ERBB4: variants seen among roughly 807,000 people sequenced by gnomAD.
ERBB4 encodes erb-b2 receptor tyrosine kinase 4.
Under a neutral mutation model 158.0 loss-of-function variants are expected in ERBB4, and 42 were observed. The ratio of observed to expected loss-of-function variants is 0.27; its 90% CI spans 0.21 to 0.34. The LOEUF (loss-of-function observed/expected upper bound fraction) is 0.34, where lower values mean the gene tolerates loss of function less well. Ranked by LOEUF, ERBB4 falls within the 10% of genes least tolerant of loss-of-function variation. ERBB4 has a pLI of 1.00. For synonymous variants in ERBB4, 583 were observed against 558.7 expected, an observed-to-expected ratio of 1.04 and a Z score of -0.61; for missense variants, 1,333 against 1,624.1, an observed-to-expected ratio of 0.82 and a Z score of 3.08.
chr2:212,347,395 CAA>C (rs992811767), intron 1 of ERBB4, among the ~76,000 whole-genome samples: 1 of 151,112 alleles, frequency 6.6e-6, no homozygotes, highest in Non-Finnish European at 1.5e-5. Flanking sequence ...TTTGTAATTT[CAA>C]AAAAAAGGGC....
intron 1 of ERBB4, among the ~76,000 whole-genome samples, chr2:212,239,049 TTTC>T: frequency 6.6e-6 from 1 of 152,316 alleles, no homozygotes; most frequent in Non-Finnish European, 1.5e-5. Context: ...TGAGATTTAA[TTTC>T]TTTTTTAAAA....
intron 22 of ERBB4, 116 bp from the exon 23 acceptor site, chr2:211,424,417 TAAA>T (rs374110275): frequency 1.1e-5 from 6 of 549,638 alleles, no homozygotes; most frequent in Non-Finnish European, 1.6e-5. Flanking sequence ...ACCAATCAAT[TAAA>T]AAAAAAAAAG....
At chr2:212,526,349 C>A (rs1339243325) in intron 1 of ERBB4, among the ~76,000 whole-genome samples, 2 of 151,994 alleles carry the variant, frequency 1.3e-5, no homozygotes, top group Non-Finnish European at 2.9e-5. Context: ...ATGAATGCCC[C>A]TTTTACCAAC....
At chr2:211,517,694 A>G (rs936311825) in intron 20 of ERBB4, among the ~76,000 whole-genome samples, 13 of 152,152 alleles carry the variant, frequency 8.5e-5, no homozygotes, top group Non-Finnish European at 1.8e-4. Context: ...AAGAAAGCGA[A>G]TCACTGTGCT....
intron 19 of ERBB4, among the ~76,000 whole-genome samples, chr2:211,601,717 A>G (rs992350380): frequency 3.9e-5 from 6 of 152,082 alleles, no homozygotes; most frequent in Non-Finnish European, 8.8e-5. Context: ...ACTATCAAAC[A>G]AGTAGGGGGT....
chr2:212,054,441 G>C (rs1211868980), intron 2 of ERBB4, among the ~76,000 whole-genome samples: 1 of 152,212 alleles, frequency 6.6e-6, no homozygotes, highest in African/African-American at 2.4e-5. Flanking sequence ...AACCAAGATT[G>C]AGTGGAAAAA....
At chr2:211,904,139 T>G (rs2079312455) in intron 3 of ERBB4, among the ~76,000 whole-genome samples, 1 of 152,106 alleles carries the variant, frequency 6.6e-6, no homozygotes, top group Non-Finnish European at 1.5e-5. Flanking sequence ...TAATAGTGGG[T>G]TTTAGCTGGA....
At position 211,977,531 on chromosome 2, in the gene ERBB4, T is replaced by TAAAAAAAA. The variant is rs370595284; in HGVS notation, c.235-29923_235-29916dup. Reference sequence around the variant, plus strand: ...CCTTACTTTGTTAAGATATTGACTTTAAAAAAAAAAAAAAAAAGTAACTTG... The same window carrying TAAAAAAAA: ...CCTTACTTTGTTAAGATATTGACTTTAAAAAAAAAAAAAAAAAAAAAAAAAGTAACTTG... On this transcript the variant is annotated intron_variant, in intron 2 of 27. Transcript: ENST00000342788. 8.8e-3 allele frequency among the ~76,000 whole-genome samples: 596 copies of TAAAAAAAA among 67,600 alleles called. 37 individuals carry two copies. The highest frequency in any genetic ancestry group is 0.034 in the Middle Eastern group (2 of 58). 44.3% of individuals were successfully genotyped at this position (67,600 alleles called of 152,430 possible). A position where few individuals can be genotyped will look rare whatever the true frequency, so the allele number is the denominator to read the frequency against.
At chr2:211,552,001 T>C (rs1296220041) in intron 20 of ERBB4, among the ~76,000 whole-genome samples, 2 of 152,212 alleles carry the variant, frequency 1.3e-5, no homozygotes, top group African/African-American at 4.8e-5. Flanking sequence ...ATCTGCTCTC[T>C]TTCCAATCAT....
intron 25 of ERBB4, among the ~76,000 whole-genome samples, chr2:211,419,496 A>AAAAG (rs1357280821): frequency 1.4e-5 from 2 of 142,964 alleles, no homozygotes; most frequent in Non-Finnish European, 2.9e-5. Flanking sequence ...AGATTAAGAG[A>AAAAG]AAAGAATTAT....
In ERBB4 at chr2:211,845,323, G is replaced by A. The variant is rs528839598; in HGVS notation, c.422-57164C>T. Reference sequence around the variant, plus strand: ...AGCTGTTCCCTGGGTTATTTAAGTAGGTAGCCAAGGTTAAGAACTTCTTTG... The same window carrying A: ...AGCTGTTCCCTGGGTTATTTAAGTAAGTAGCCAAGGTTAAGAACTTCTTTG... On this transcript the variant is annotated intron_variant, in intron 3 of 27. Coordinates refer to ENST00000342788, the MANE Select transcript of ERBB4 (RefSeq NM_005235.3). 3.3e-5 allele frequency among the ~76,000 whole-genome samples: 5 copies of A among 151,422 alleles called. No individual in the cohort carries two copies. In the East Asian group the frequency reaches 5.9e-4, roughly 18 times the overall value.
At chr2:211,905,742 G>GTA (rs1309823693) in intron 3 of ERBB4, among the ~76,000 whole-genome samples, 1 of 95,532 alleles carries the variant, frequency 1.0e-5, no homozygotes, top group African/African-American at 3.3e-5. Context: ...GTGCATGTGT[G>GTA]TGTATATATA....
At chr2:211,515,941 G>A (rs2066018715) in intron 20 of ERBB4, among the ~76,000 whole-genome samples, 1 of 92,006 alleles carries the variant, frequency 1.1e-5, no homozygotes, top group Non-Finnish European at 2.2e-5. Context: ...TTGAGGCGGA[G>A]TCTTGCTCTG....
intron 1 of ERBB4, among the ~76,000 whole-genome samples, chr2:212,156,671 A>C (rs868635102): frequency 6.6e-6 from 1 of 152,076 alleles, no homozygotes; most frequent in Non-Finnish European, 1.5e-5. Context: ...GAGCAAATAT[A>C]AGTTCTTGTA....
At position 211,381,450 on chromosome 2, in the gene ERBB4, T is replaced by G. The variant is rs1195140763; in HGVS notation, c.*2165A>C. Reference sequence around the variant, plus strand: ...TGTTTAACTTATATCCCAAATGAGTTTAAAGGAGATATCTTACAGTACAAC... The same window carrying G: ...TGTTTAACTTATATCCCAAATGAGTGTAAAGGAGATATCTTACAGTACAAC... On this transcript the variant is annotated 3_prime_UTR_variant, in exon 28 of 28. Coordinates refer to ENST00000342788, the MANE Select transcript of ERBB4 (RefSeq NM_005235.3). 1 of 231,886 alleles carries G rather than the reference T, an allele frequency of 4.3e-6. No homozygotes were observed. Among genetic ancestry groups the G allele is most frequent in the Non-Finnish European group, 8.5e-6 (1 of 117,318 alleles). 14.4% of individuals were successfully genotyped at this position (231,886 alleles called of 1,614,324 possible). A position where few individuals can be genotyped will look rare whatever the true frequency, so the allele number is the denominator to read the frequency against.
At position 211,679,146 on chromosome 2, in the gene ERBB4, C is replaced by A. The variant is rs1361402584; in HGVS notation, c.1528G>T (p.Asp510Tyr). 6.2e-7 allele frequency: 1 copy of A among 1,613,974 alleles called. No individual in the cohort carries two copies. The highest frequency in any genetic ancestry group is 8.5e-7 in the Non-Finnish European group (1 of 1,179,942). Residue 510 changes from aspartate (D) to tyrosine (Y), a missense_variant, in exon 13 of 28, where the codon GAT becomes TAT. By Grantham distance (160) the Asp-to-Tyr change is radical. Around this residue, in one of 5 missense-constraint regions of ERBB4, gnomAD observed 245 missense variants for 247.5 expected, o/e 0.99. Coordinates refer to ENST00000342788, the MANE Select transcript of ERBB4 (RefSeq NM_005235.3). ...TCTGGCCCAGGTCCCCAACAGCCATCACTGGAACACAGATGGTTGCACACC... is the reference window on the plus strand; with the variant it reads ...TCTGGCCCAGGTCCCCAACAGCCATAACTGGAACACAGATGGTTGCACACC... The part of the protein sequence containing the change: ...GMVCNHLCSS[D>Y]GCWGPGPDQC...
rs79659405 is a variant in ERBB4 at position 212,333,726 on chromosome 2, A to G, written c.82+204723T>C. The stretch of plus-strand genomic sequence containing the variant: ...AAAAATCCTTCCTTGGTCCACCTGT[A>G]TATCTACTAAATCAGAACCCTAGTT... On this transcript the variant is annotated intron_variant, in intron 1 of 27. Transcript: ENST00000342788. Among the ~76,000 whole-genome samples, 418 of 151,474 alleles carry G rather than the reference A, an allele frequency of 2.8e-3. 17 individuals are homozygous for G. In the East Asian group the frequency reaches 0.072, roughly 26 times the overall value.
intron 3 of ERBB4, among the ~76,000 whole-genome samples, chr2:211,918,568 T>C (rs1194906910): frequency 6.6e-6 from 1 of 152,130 alleles, no homozygotes; most frequent in African/African-American, 2.4e-5. Context: ...TGGTAGGATG[T>C]AATACCACGT....
chr2:212,527,205 A>T (rs1692493327), intron 1 of ERBB4, among the ~76,000 whole-genome samples: 1 of 152,148 alleles, frequency 6.6e-6, no homozygotes, highest in South Asian at 2.1e-4. Flanking sequence ...AAATAGATAT[A>T]TACCTGGATT....
Sources: gnomAD v4.1 joint callset for allele counts (sites outside exome capture counted in the v4.1 genomes callset) on GRCh38, gnomAD v4.1.1 for gene constraint, gnomAD v4.1.1 regional missense constraint, MANE v1.5 for transcripts, NCBI Gene and HGNC (gene_info 2026-07-23, HGNC 2026-07-21) for gene names.